PPM1H: variants seen among roughly 807,000 people sequenced by gnomAD.
PPM1H encodes protein phosphatase 1H.
PPM1H carries 27 observed loss-of-function variants against 54.9 expected under a neutral mutation model. The ratio of observed to expected loss-of-function variants is 0.49; its 90% CI spans 0.36 to 0.68. The LOEUF (loss-of-function observed/expected upper bound fraction) is 0.68, where lower values mean the gene tolerates loss of function less well. Among genes scored for constraint, PPM1H ranks in the 30% least tolerant of loss-of-function variants. PPM1H has a pLI of 0.00. For missense variants in PPM1H, 596 were observed against 667.8 expected (o/e 0.89, Z 1.19); for synonymous variants, 305 against 270.8 (o/e 1.13, Z -1.24).
At chr12:62,801,746 A>T in intron 3 of PPM1H, 70 bp downstream of exon 3, 1 of 1,535,928 alleles carries the variant, frequency 6.5e-7, no homozygotes, top group East Asian at 2.3e-5. Context: ...GGAGCCCTCC[A>T]GGAAGGACGG....
At chr12:62,823,742 CTT>C (rs1297943458) in intron 2 of PPM1H, among the ~76,000 whole-genome samples, 1 of 152,204 alleles carries the variant, frequency 6.6e-6, no homozygotes, top group Non-Finnish European at 1.5e-5. Flanking sequence ...ATCGATGTAA[CTT>C]ATCTCAAAAT....
chr12:62,895,824 T>G (rs1334318827), intron 1 of PPM1H, among the ~76,000 whole-genome samples: 2 of 152,136 alleles, frequency 1.3e-5, no homozygotes, highest in African/African-American at 4.8e-5. Flanking sequence ...GAGGCCCTCA[T>G]CAGAAGTGGA....
intron 9 of PPM1H, among the ~76,000 whole-genome samples, chr12:62,649,228 T>A (rs1156378167): frequency 2.0e-5 from 3 of 152,042 alleles, no homozygotes; most frequent in South Asian, 2.1e-4. Context: ...TTTAATTTTT[T>A]TTTTTGTAAA....
chr12:62,660,013 C>G (rs2075874289), intron 9 of PPM1H, among the ~76,000 whole-genome samples: 1 of 152,204 alleles, frequency 6.6e-6, no homozygotes, highest in African/African-American at 2.4e-5. Context: ...AATAGGAACT[C>G]TCTGGCCAAG....
intron 4 of PPM1H, among the ~76,000 whole-genome samples, chr12:62,766,314 C>T (rs1350721133): frequency 6.6e-6 from 1 of 152,106 alleles, no homozygotes; most frequent in East Asian, 1.9e-4. Flanking sequence ...TTTATCCATA[C>T]TTAACCTTTA....
chr12:62,807,072 G>A (rs913238199), intron 2 of PPM1H, among the ~76,000 whole-genome samples: 12 of 152,170 alleles, frequency 7.9e-5, no homozygotes, highest in African/African-American at 2.9e-4. Context: ...CAAGGGCCCT[G>A]CGGTAGAATG....
intron 6 of PPM1H, among the ~76,000 whole-genome samples, chr12:62,708,084 G>C (rs911926643): frequency 3.9e-5 from 6 of 152,216 alleles, no homozygotes; most frequent in African/African-American, 1.4e-4. Flanking sequence ...ACAAAGGAGA[G>C]AGGCAACTGA....
chr12:62,672,985 T>C (rs764567026), intron 8 of PPM1H, among the ~76,000 whole-genome samples: 1 of 152,198 alleles, frequency 6.6e-6, no homozygotes, highest in Non-Finnish European at 1.5e-5. Flanking sequence ...GACCCCCTCA[T>C]TTCACGGTGA....
At chr12:62,716,450 T>C (rs1262498127) in intron 6 of PPM1H, among the ~76,000 whole-genome samples, 1 of 152,286 alleles carries the variant, frequency 6.6e-6, no homozygotes, top group Middle Eastern at 3.4e-3. Flanking sequence ...ATTACCATGA[T>C]GATTAGTGGA....
intron 9 of PPM1H, chr12:62,658,867 A>G (rs2136602689): frequency 1.7e-6 from 1 of 604,378 alleles, no homozygotes. Flanking sequence ...TCAAAAAAAG[A>G]ACCAAGAAGT....
chr12:62,810,976 C>T (rs2076831825), intron 2 of PPM1H, among the ~76,000 whole-genome samples: 1 of 152,202 alleles, frequency 6.6e-6, no homozygotes, highest in Non-Finnish European at 1.5e-5. Context: ...TGTCATGGTT[C>T]TCAAGCTCTT....
At chr12:62,900,441 T>C (rs1282520213) in intron 1 of PPM1H, among the ~76,000 whole-genome samples, 3 of 151,732 alleles carry the variant, frequency 2.0e-5, no homozygotes, top group African/African-American at 4.8e-5. Context: ...ATGTAAATGA[T>C]GAGTTAATGG....
chr12:62,822,942 C>A (rs2120821932), intron 2 of PPM1H, among the ~76,000 whole-genome samples: 1 of 152,072 alleles, frequency 6.6e-6, no homozygotes, highest in African/African-American at 2.4e-5. Context: ...TCAAAAAAAT[C>A]AATAAATTCA....
At chr12:62,898,459 T>C (rs1166393046) in intron 1 of PPM1H, among the ~76,000 whole-genome samples, 1 of 152,210 alleles carries the variant, frequency 6.6e-6, no homozygotes, top group Non-Finnish European at 1.5e-5. Flanking sequence ...CTGGTTTTGA[T>C]ACTTTTTAGG....
chr12:62,837,841 C>T (rs537103192), intron 1 of PPM1H, among the ~76,000 whole-genome samples: 4 of 152,336 alleles, frequency 2.6e-5, no homozygotes, highest in Middle Eastern at 3.4e-3. Flanking sequence ...AGCATCTCCT[C>T]CTTTCTACGC....
chr12:62,690,311 TA>T (rs1419850046), intron 7 of PPM1H, among the ~76,000 whole-genome samples: 4 of 152,134 alleles, frequency 2.6e-5, no homozygotes, highest in Admixed American at 2.0e-4. Flanking sequence ...GTAAAAGGTG[TA>T]AAAAATCAGA....
intron 3 of PPM1H, among the ~76,000 whole-genome samples, chr12:62,796,116 G>A (rs1010063792): frequency 5.9e-5 from 9 of 152,186 alleles, no homozygotes; most frequent in Non-Finnish European, 1.0e-4. Context: ...TGACTGAGAA[G>A]AGCAGTTCTT....
intron 4 of PPM1H, among the ~76,000 whole-genome samples, chr12:62,743,225 C>T (rs959292966): frequency 7.9e-5 from 12 of 151,972 alleles, no homozygotes; most frequent in African/African-American, 2.4e-4. Context: ...TGGTGGCAGG[C>T]GCCTGTAGTC....
At chr12:62,659,553 T>A (rs1258786143) in intron 9 of PPM1H, among the ~76,000 whole-genome samples, 1 of 152,158 alleles carries the variant, frequency 6.6e-6, no homozygotes, top group Non-Finnish European at 1.5e-5. Context: ...CTGGGAAGGA[T>A]GTCAACAGAG....
Sources: allele counts gnomAD v4.1 joint callset (sites outside exome capture counted in the v4.1 genomes callset), GRCh38; gene constraint gnomAD v4.1.1; transcripts MANE v1.5; gene names NCBI Gene and HGNC (gene_info 2026-07-23, HGNC 2026-07-21).